Variants in DAB1 observed in about 807,000 individuals in gnomAD.
The protein encoded by DAB1 is DAB adaptor protein 1.
Under a neutral mutation model 64.6 loss-of-function variants are expected in DAB1, and 15 were observed. The ratio of observed to expected loss-of-function variants is 0.23; its 90% CI spans 0.16 to 0.36. The LOEUF (loss-of-function observed/expected upper bound fraction) is 0.36. Ranked by LOEUF, DAB1 falls within the 10% of genes least tolerant of loss-of-function variation. The pLI, the probability that DAB1 is intolerant of heterozygous loss-of-function variation, is 1.00. For missense variants in DAB1, 596 were observed against 706.7 expected (o/e 0.84, Z 1.78); for synonymous variants, 235 against 251.9 (o/e 0.93, Z 0.64).
chr1:57,941,645 G>A (rs541716029), intron 5 of DAB1, among the ~76,000 whole-genome samples: 1 of 152,150 alleles, frequency 6.6e-6, no homozygotes, highest in Non-Finnish European at 1.5e-5. Flanking sequence ...GACCATCCTG[G>A]CTAACATGGT....
chr1:57,558,478 G>GT (rs532662806), intron 7 of DAB1, among the ~76,000 whole-genome samples: 3 of 152,142 alleles, frequency 2.0e-5, no homozygotes, highest in Non-Finnish European at 2.9e-5. Flanking sequence ...AACTGCTTGA[G>GT]TTTTCTAATT....
chr1:57,292,302 A>T (rs1672840602), intron 1 of DAB1, among the ~76,000 whole-genome samples: 1 of 152,204 alleles, frequency 6.6e-6, no homozygotes, highest in South Asian at 2.1e-4. Context: ...AAGCTTCAAT[A>T]TGAGGAAATT....
At chr1:58,124,940 G>A (rs534335249) in intron 5 of DAB1, among the ~76,000 whole-genome samples, 1 of 152,256 alleles carries the variant, frequency 6.6e-6, no homozygotes, top group South Asian at 2.1e-4. Context: ...GGCGTTAACA[G>A]ATCTGGTTCT....
intron 3 of DAB1, among the ~76,000 whole-genome samples, chr1:58,473,545 AAAATAAATAAATAAATAAATAAAT>A (rs56211911): frequency 8.2e-6 from 1 of 122,564 alleles, no homozygotes; most frequent in Non-Finnish European, 1.9e-5. Context: ...CCGTCTCAAA[AAAATAAATAAATAAATAAATAAAT>A]AAATAAATAA....
chr1:57,650,131 C>T (rs1357638325), intron 6 of DAB1, among the ~76,000 whole-genome samples: 1 of 152,110 alleles, frequency 6.6e-6, no homozygotes, highest in Non-Finnish European at 1.5e-5. Context: ...TTCCGGATTC[C>T]TTCTTCTTCG....
At chr1:58,396,829 A>G (rs368471039) in intron 3 of DAB1, among the ~76,000 whole-genome samples, 2 of 152,046 alleles carry the variant, frequency 1.3e-5, no homozygotes, top group Admixed American at 6.6e-5. Flanking sequence ...TTGGGAGGCC[A>G]AGGCGGGCGG....
intron 2 of DAB1, among the ~76,000 whole-genome samples, chr1:57,248,163 A>T (rs1669032076): frequency 6.6e-6 from 1 of 152,232 alleles, no homozygotes; most frequent in African/African-American, 2.4e-5. Flanking sequence ...CACTTATAAC[A>T]ATGAATATGA....
intron 5 of DAB1, among the ~76,000 whole-genome samples, chr1:58,020,098 A>T (rs1646795117): frequency 6.6e-6 from 1 of 152,182 alleles, no homozygotes; most frequent in Admixed American, 6.5e-5. Context: ...ACCCTCTAGA[A>T]CCACAGAATT....
At chr1:58,104,284 T>C (rs1456652565) in intron 5 of DAB1, among the ~76,000 whole-genome samples, 1 of 152,196 alleles carries the variant, frequency 6.6e-6, no homozygotes, top group Non-Finnish European at 1.5e-5. Flanking sequence ...TCCTTTCAAC[T>C]AGATTTTCAG....
At chr1:57,313,417 T>A (rs1674906652) in intron 1 of DAB1, among the ~76,000 whole-genome samples, 1 of 152,216 alleles carries the variant, frequency 6.6e-6, no homozygotes, top group Admixed American at 6.5e-5. Flanking sequence ...ATGACAAGCA[T>A]AATCTTTGAC....
intron 4 of DAB1, among the ~76,000 whole-genome samples, chr1:58,309,129 T>C (rs966320416): frequency 6.6e-6 from 1 of 152,170 alleles, no homozygotes; most frequent in Non-Finnish European, 1.5e-5. Flanking sequence ...ATGCGGATGA[T>C]ATTGTTTCTT....
intron 8 of DAB1, among the ~76,000 whole-genome samples, chr1:57,067,388 C>A (rs1651020707): frequency 6.6e-6 from 1 of 152,058 alleles, no homozygotes; most frequent in Non-Finnish European, 1.5e-5. Flanking sequence ...GGGGGCTCTA[C>A]CTATTGCTAG....
In DAB1 at chr1:57,743,183, G is replaced by A. The variant is rs144708055; in HGVS notation, n.552-93518C>T. ...CCATCGCATCCCCTATGACTTGCAC[G>A]TATACATCCAGATGGCCTGAAGTAA... On this transcript the variant is annotated intron_variant and non_coding_transcript_variant, in intron 6 of 20. Coordinates refer to the DAB1 transcript ENST00000485760. 5.8e-3 allele frequency among the ~76,000 whole-genome samples: 883 copies of A among 152,210 alleles called. 10 individuals are homozygous for A. The highest frequency in any genetic ancestry group is 0.02 in the African/African-American group (829 of 41,522).
At chr1:57,663,541 T>G (rs565023924) in intron 6 of DAB1, among the ~76,000 whole-genome samples, 141 of 152,356 alleles carry the variant, frequency 9.3e-4, no homozygotes, top group Admixed American at 2.9e-3. Context: ...TGTGTCTCAC[T>G]GCACTGTACA....
chr1:57,488,420 A>AAC, intron 7 of DAB1, among the ~76,000 whole-genome samples: 1 of 150,308 alleles, frequency 6.7e-6, no homozygotes, highest in East Asian at 2.0e-4. Context: ...AAAAAAAAAA[A>AAC]AAGTTTGTAT....
chr1:57,999,536 G>A (rs998276305), intron 5 of DAB1, among the ~76,000 whole-genome samples: 1 of 152,184 alleles, frequency 6.6e-6, no homozygotes, highest in African/African-American at 2.4e-5. Flanking sequence ...GGACAGACTA[G>A]AGCCTCTCTC....
chr1:57,123,092 A>G (rs1467551289), intron 4 of DAB1, among the ~76,000 whole-genome samples: 2 of 152,156 alleles, frequency 1.3e-5, no homozygotes, highest in African/African-American at 4.8e-5. Context: ...ATCTTAAATT[A>G]TAGTAATAAA....
rs145661916 is a variant in DAB1 at position 58,519,697 on chromosome 1, C to T, written n.107+7564G>A. ...CAAAGCCAAAAACAGACAACAGAAACGGACCCAGCTATAATACAGAGATTA... is the reference window on the plus strand; with the variant it reads ...CAAAGCCAAAAACAGACAACAGAAATGGACCCAGCTATAATACAGAGATTA... On this transcript the variant is annotated intron_variant and non_coding_transcript_variant, in intron 2 of 20. Coordinates refer to the DAB1 transcript ENST00000485760. 1.1e-3 allele frequency among the ~76,000 whole-genome samples: 161 copies of T among 151,988 alleles called. 1 individual carries two copies. Among genetic ancestry groups the T allele is most frequent in the African/African-American group, 3.7e-3 (153 of 41,436 alleles).
chr1:58,428,786 T>C (rs1191775115), intron 3 of DAB1, among the ~76,000 whole-genome samples: 3 of 152,258 alleles, frequency 2.0e-5, no homozygotes, highest in Non-Finnish European at 2.9e-5. Context: ...TCCTTTATAC[T>C]TCTGTACATG....
Sources: allele counts gnomAD v4.1 joint callset (sites outside exome capture counted in the v4.1 genomes callset), GRCh38; gene constraint gnomAD v4.1.1; transcripts MANE v1.5; gene names NCBI Gene and HGNC (gene_info 2026-07-23, HGNC 2026-07-21).